STEAP1B: variants seen among roughly 807,000 people sequenced by gnomAD.
STEAP1B encodes the protein STEAP family protein MGC87042.
A neutral mutation model predicts 27.9 loss-of-function variants in STEAP1B; 13 were observed. That is an observed-to-expected ratio of 0.47 (90% CI 0.30 to 0.74). The LOEUF is 0.74. STEAP1B is among the 30% of genes least tolerant of loss of function. STEAP1B has a pLI of 0.06. For synonymous variants in STEAP1B, 86 were observed against 107.1 expected (o/e 0.80, Z 1.22); for missense variants, 250 against 298.7 (o/e 0.84, Z 1.20).
intron 4 of STEAP1B, among the ~76,000 whole-genome samples, chr7:22,451,175 C>T (rs753333415): frequency 3.3e-4 from 49 of 147,490 alleles, no homozygotes; most frequent in Admixed American, 1.8e-3. Context: ...CCAGCATGGG[C>T]GACAGAGATT....
At chr7:22,445,802 G>A (rs1280313928) in intron 4 of STEAP1B, among the ~76,000 whole-genome samples, 2 of 152,252 alleles carry the variant, frequency 1.3e-5, no homozygotes, top group Non-Finnish European at 2.9e-5. Context: ...GGGTAAATGA[G>A]GAGGCAGGAG....
chr7:22,468,557 T>C (rs950316474), intron 4 of STEAP1B, among the ~76,000 whole-genome samples: 1 of 152,146 alleles, frequency 6.6e-6, no homozygotes, highest in Non-Finnish European at 1.5e-5. Flanking sequence ...CAAAACACTT[T>C]TGGAAGTGTT....
chr7:22,464,123 C>A (rs28449173), intron 4 of STEAP1B, among the ~76,000 whole-genome samples: 1 of 152,232 alleles, frequency 6.6e-6, no homozygotes, highest in South Asian at 2.1e-4. Flanking sequence ...ATTCAGCTGA[C>A]AGTGTTGTTC....
intron 4 of STEAP1B, among the ~76,000 whole-genome samples, chr7:22,425,263 A>C (rs1562564334): frequency 6.6e-6 from 1 of 152,216 alleles, no homozygotes; most frequent in Non-Finnish European, 1.5e-5. Context: ...CTGTTCATAT[A>C]CTTTTTAAAA....
intron 4 of STEAP1B, among the ~76,000 whole-genome samples, chr7:22,437,856 C>A (rs28515788): frequency 1.3e-5 from 2 of 151,978 alleles, no homozygotes; most frequent in African/African-American, 4.8e-5. Context: ...TAATTAGTGA[C>A]GTGATTATTG....
intron 4 of STEAP1B, among the ~76,000 whole-genome samples, chr7:22,459,667 C>T (rs1785645142): frequency 6.6e-6 from 1 of 152,212 alleles, no homozygotes; most frequent in Non-Finnish European, 1.5e-5. Context: ...CTGTATCTCA[C>T]TTGCCAGTAT....
At chr7:22,487,031 A>G (rs188159096) in intron 4 of STEAP1B, among the ~76,000 whole-genome samples, 5 of 152,362 alleles carry the variant, frequency 3.3e-5, no homozygotes, top group Non-Finnish European at 5.9e-5. Flanking sequence ...GTCTTTTCAC[A>G]TAGATAGAGG....
At chr7:22,456,545 A>G (rs930036383) in intron 4 of STEAP1B, among the ~76,000 whole-genome samples, 1 of 152,196 alleles carries the variant, frequency 6.6e-6, no homozygotes, top group African/African-American at 2.4e-5. Context: ...CAATTTAGTC[A>G]CAGTAATCAT....
intron 4 of STEAP1B, among the ~76,000 whole-genome samples, chr7:22,423,062 A>G (rs1346330004): frequency 6.6e-6 from 1 of 152,240 alleles, no homozygotes; most frequent in Non-Finnish European, 1.5e-5. Context: ...CTTGCCTTAC[A>G]TTATAGAACA....
intron 4 of STEAP1B, among the ~76,000 whole-genome samples, chr7:22,461,332 G>A (rs1421489118): frequency 6.6e-6 from 1 of 152,036 alleles, no homozygotes; most frequent in African/African-American, 2.4e-5. Flanking sequence ...GCATGATCTC[G>A]GCTCACTGCA....
intron 2 of STEAP1B, 62 bp downstream of exon 2, chr7:22,494,710 G>A (rs188560264): frequency 1.7e-6 from 2 of 1,186,774 alleles, no homozygotes; most frequent in East Asian, 2.7e-5. Context: ...GATACAGAAT[G>A]TCATCGAATT....
At chr7:22,484,418 A>T (rs557591175) in intron 4 of STEAP1B, among the ~76,000 whole-genome samples, 22 of 152,348 alleles carry the variant, frequency 1.4e-4, no homozygotes, top group Non-Finnish European at 2.4e-4. Context: ...ATGACAACAC[A>T]TCTGTTTACA....
intron 4 of STEAP1B, among the ~76,000 whole-genome samples, chr7:22,451,101 G>A (rs1035905642): frequency 6.6e-6 from 1 of 151,970 alleles, no homozygotes; most frequent in Non-Finnish European, 1.5e-5. Context: ...GGAGGCTGAG[G>A]CACAAGAATT....
chr7:22,421,896 A>G (rs1317244868), intron 4 of STEAP1B, among the ~76,000 whole-genome samples: 1 of 152,240 alleles, frequency 6.6e-6, no homozygotes, highest in Non-Finnish European at 1.5e-5. Context: ...CCACTTTGTT[A>G]CTAGAACCTC....
At chr7:22,438,963 T>C (rs1337646471) in intron 4 of STEAP1B, among the ~76,000 whole-genome samples, 2 of 152,186 alleles carry the variant, frequency 1.3e-5, no homozygotes, top group South Asian at 4.1e-4. Context: ...AAAAAGTGCA[T>C]GTTAAATGAA....
chr7:22,430,479 A>G (rs1785169098), intron 4 of STEAP1B, among the ~76,000 whole-genome samples: 1 of 152,234 alleles, frequency 6.6e-6, no homozygotes, highest in Non-Finnish European at 1.5e-5. Flanking sequence ...TTGTCAAAGA[A>G]TATCTTGTAT....
At chr7:22,423,463 C>T (rs944572039) in intron 4 of STEAP1B, among the ~76,000 whole-genome samples, 13 of 152,170 alleles carry the variant, frequency 8.5e-5, no homozygotes, top group Admixed American at 1.3e-4. Flanking sequence ...CATGCTGCAA[C>T]ATGTCTAAAC....
intron 4 of STEAP1B, among the ~76,000 whole-genome samples, chr7:22,441,683 G>T (rs1189405800): frequency 6.6e-6 from 1 of 152,166 alleles, no homozygotes; most frequent in Non-Finnish European, 1.5e-5. Flanking sequence ...CCTAGTCCTT[G>T]CCTTTTCCTA....
chr7:22,438,654 C>T (rs377043461), intron 4 of STEAP1B: 4 of 1,551,980 alleles, frequency 2.6e-6, no homozygotes, highest in Non-Finnish European at 2.6e-6. Context: ...GGATTCCACA[C>T]TGCTGCTCCT....
Sources: gnomAD v4.1 joint callset for allele counts (sites outside exome capture counted in the v4.1 genomes callset) on GRCh38, gnomAD v4.1.1 for gene constraint, MANE v1.5 for transcripts, NCBI Gene and HGNC (gene_info 2026-07-23, HGNC 2026-07-21) for gene names.